DNAAF9: variants seen among roughly 807,000 people sequenced by gnomAD.
DNAAF9 encodes the protein shulin.
In DNAAF9, 90 loss-of-function variants were observed where a neutral mutation model predicts 167.0. The ratio of observed to expected loss-of-function variants is 0.54; its 90% CI spans 0.45 to 0.64. The LOEUF (loss-of-function observed/expected upper bound fraction) is 0.64, where lower values mean the gene tolerates loss of function less well. Among genes scored for constraint, DNAAF9 ranks in the 30% least tolerant of loss-of-function variants. The probability of loss-of-function intolerance (pLI) is 0.00; values close to 1 mark genes in which losing one functional copy is unlikely to be tolerated. For synonymous variants in DNAAF9, 491 were observed against 508.8 expected (o/e 0.96, Z 0.47); for missense variants, 1,315 against 1,442.2 (o/e 0.91, Z 1.43).
chr20:3,253,297 C>T (rs6051678), intron 36 of DNAAF9, among the ~76,000 whole-genome samples: 25,263 of 152,128 alleles, frequency 0.17, 2,271 homozygotes, highest in Non-Finnish European at 0.19. Context: ...CAAAATTAGC[C>T]GGGCACGGCG....
At position 3,287,595 on chromosome 20, in the gene DNAAF9, C is replaced by T. The variant is rs1322521088; in HGVS notation, c.2486+37G>A. ...TAAGAGTAATGGCAAGGTCATCACC[C>T]TGATTCGACTGTTTCCAGGAGACTT... On this transcript the variant is annotated intron_variant, in intron 27 of 36. Coordinates refer to ENST00000252032, the MANE Select transcript of DNAAF9 (RefSeq NM_001009984.3). 3 of 1,606,182 alleles carry T rather than the reference C, an allele frequency of 1.9e-6. No homozygotes were observed. In the African/African-American group the frequency reaches 4.0e-5, roughly 21 times the overall value.
At position 3,306,574 on chromosome 20, in the gene DNAAF9, T is replaced by C. The variant is rs560190576; in HGVS notation, c.1679-2031A>G. 8.5e-5 allele frequency among the ~76,000 whole-genome samples: 13 copies of C among 152,290 alleles called. No individual in the cohort carries two copies. The East Asian group carries it at 2.3e-3, about 27-fold the overall frequency. ...AGAGATTTCCCCCAAAATCACAGCA[T>C]TACTTGGTGGTGGAGCCAGGTACAG... On this transcript the variant is annotated intron_variant, in intron 20 of 36. Transcript: ENST00000252032.
Position 3,365,422 on chromosome 20 carries a change from C to T in DNAAF9, c.613-5829G>A, listed in dbSNP as rs2103935. On this transcript the variant is annotated intron_variant, in intron 6 of 36. Coordinates refer to ENST00000252032, the MANE Select transcript of DNAAF9 (RefSeq NM_001009984.3). ...ATTTATTTATTTTTAGGAGGAGTCT[C>T]GCTCTGTTGCCCAGGCTGGGGAGCA... 4.0e-5 allele frequency among the ~76,000 whole-genome samples: 6 copies of T among 150,354 alleles called. 1 individual carries two copies. Among genetic ancestry groups the T allele is most frequent in the Admixed American group, 6.6e-5 (1 of 15,214 alleles).
intron 22 of DNAAF9, among the ~76,000 whole-genome samples, chr20:3,297,420 C>G (rs534833297): frequency 6.6e-6 from 1 of 152,304 alleles, no homozygotes; most frequent in South Asian, 2.1e-4. Context: ...TAGCCAAGGT[C>G]AACTCTTGCA....
chr20:3,274,151 TA>T (rs1165037697), intron 29 of DNAAF9, among the ~76,000 whole-genome samples: 8 of 152,190 alleles, frequency 5.3e-5, no homozygotes, highest in Non-Finnish European at 8.8e-5. Flanking sequence ...TTTTTATTTT[TA>T]TTTTTTTTGA....
At chr20:3,323,742 T>C (rs1402444213) in intron 14 of DNAAF9, among the ~76,000 whole-genome samples, 1 of 152,138 alleles carries the variant, frequency 6.6e-6, no homozygotes, top group Admixed American at 6.5e-5. Flanking sequence ...GGGGGCCTGC[T>C]CTGGGGAGGC....
At chr20:3,401,024 A>G (rs2083975440) in intron 1 of DNAAF9, among the ~76,000 whole-genome samples, 1 of 152,052 alleles carries the variant, frequency 6.6e-6, no homozygotes, top group African/African-American at 2.4e-5. Flanking sequence ...CTTGCTTTGC[A>G]TTTTGAATTT....
chr20:3,394,281 T>C (rs1294843557), intron 1 of DNAAF9, among the ~76,000 whole-genome samples: 2 of 150,020 alleles, frequency 1.3e-5, no homozygotes, highest in East Asian at 3.9e-4. Context: ...GAGGTTGCGG[T>C]GAGCTGAGAT....
chr20:3,353,564 G>A (rs1413161863), intron 7 of DNAAF9, among the ~76,000 whole-genome samples: 3 of 151,514 alleles, frequency 2.0e-5, no homozygotes, highest in African/African-American at 7.3e-5. Flanking sequence ...GGAGGCAGAG[G>A]TTGCAGTGAG....
intron 25 of DNAAF9, among the ~76,000 whole-genome samples, chr20:3,292,188 C>T (rs978441661): frequency 6.6e-6 from 1 of 151,910 alleles, no homozygotes; most frequent in African/African-American, 2.4e-5. Flanking sequence ...TTAGTAGAGG[C>T]GCGGTTTCAC....
intron 1 of DNAAF9, among the ~76,000 whole-genome samples, chr20:3,390,993 G>A (rs1018579459): frequency 6.6e-6 from 1 of 152,082 alleles, no homozygotes; most frequent in African/African-American, 2.4e-5. Flanking sequence ...AGTGACAAAA[G>A]CATGAAAAGG....
In DNAAF9 at chr20:3,298,176, C is replaced by A; in HGVS notation, c.1783-1G>T. ...GAGCAGCAACAGTACTGGTGGAATC[C>A]TAAAGCGAAAAGGAGGGAGCATCAG... On this transcript the variant is annotated splice_acceptor_variant, in intron 21 of 36. Coordinates refer to ENST00000252032, the MANE Select transcript of DNAAF9 (RefSeq NM_001009984.3). LOFTEE classifies it high-confidence loss of function. 3 of 1,611,490 alleles carry A rather than the reference C, an allele frequency of 1.9e-6. No individual in the cohort carries two copies. The highest frequency in any genetic ancestry group is 2.5e-6 in the Non-Finnish European group (3 of 1,178,806).
At chr20:3,356,207 G>A (rs1034402477) in intron 7 of DNAAF9, among the ~76,000 whole-genome samples, 1 of 151,980 alleles carries the variant, frequency 6.6e-6, no homozygotes, top group Non-Finnish European at 1.5e-5. Flanking sequence ...TAGTAGAGAT[G>A]AGGGTTCACC....
intron 7 of DNAAF9, among the ~76,000 whole-genome samples, chr20:3,351,183 G>A (rs557571152): frequency 1.3e-5 from 2 of 152,248 alleles, no homozygotes; most frequent in African/African-American, 2.4e-5. Context: ...ACTACATCAT[G>A]GGAATACAAT....
At chr20:3,376,513 T>C (rs1011008052) in intron 3 of DNAAF9, among the ~76,000 whole-genome samples, 38 of 152,308 alleles carry the variant, frequency 2.5e-4, no homozygotes, top group African/African-American at 8.9e-4. Context: ...TTTTGCCAAG[T>C]TTAAGGACAT....
At chr20:3,341,968 G>A (rs979001390) in intron 9 of DNAAF9, among the ~76,000 whole-genome samples, 3 of 152,084 alleles carry the variant, frequency 2.0e-5, no homozygotes, top group African/African-American at 4.8e-5. Flanking sequence ...TAGTGGAGAT[G>A]GGGTTTCACC....
At chr20:3,382,089 T>A (rs1215032300) in intron 2 of DNAAF9, among the ~76,000 whole-genome samples, 1 of 152,150 alleles carries the variant, frequency 6.6e-6, no homozygotes, top group Non-Finnish European at 1.5e-5. Flanking sequence ...CACTACCATC[T>A]CTCAATGCTT....
intron 3 of DNAAF9, among the ~76,000 whole-genome samples, chr20:3,377,408 T>C (rs924086459): frequency 6.6e-6 from 1 of 152,160 alleles, no homozygotes; most frequent in African/African-American, 2.4e-5. Flanking sequence ...CTATCTGCTA[T>C]GTGATGTACC....
rs1011149315 is a variant in DNAAF9 at position 3,260,359 on chromosome 20, T to C, written c.2874-331A>G. Among the ~76,000 whole-genome samples the C allele has an allele frequency of 3.1e-4, 47 of 152,036 alleles. 1 individual carries two copies. The highest frequency in any genetic ancestry group is 1.1e-3 in the African/African-American group (46 of 41,312). ...AGACTCCGTCTCAAAAAAAAAAATT[T>C]TAAGTACAAATATTTGAATTCTCCC... On this transcript the variant is annotated intron_variant, in intron 31 of 36. Transcript: ENST00000252032.
Sources: allele counts gnomAD v4.1 joint callset (sites outside exome capture counted in the v4.1 genomes callset), GRCh38; gene constraint gnomAD v4.1.1; transcripts MANE v1.5; gene names NCBI Gene and HGNC (gene_info 2026-07-23, HGNC 2026-07-21).